Variants in AFG2A observed in about 807,000 individuals in gnomAD.
AFG2A encodes ATPase family gene 2 protein homolog A.
chr4:123,111,626 G>C, the AFG2A span, among the ~76,000 whole-genome samples: 2 of 152,032 alleles, frequency 1.3e-5, no homozygotes, highest in African/African-American at 4.8e-5. Context: ...AGCCAGGAAA[G>C]AGTAAAAGGT....
At chr4:123,004,833 C>A in the AFG2A span, among the ~76,000 whole-genome samples, 1 of 152,152 alleles carries the variant, frequency 6.6e-6, no homozygotes, top group Non-Finnish European at 1.5e-5. Flanking sequence ...CCATTGAAAT[C>A]ATCTGGGTCT....
the AFG2A span, among the ~76,000 whole-genome samples, chr4:123,228,458 G>T: frequency 6.6e-6 from 1 of 151,776 alleles, no homozygotes; most frequent in African/African-American, 2.4e-5. Flanking sequence ...GATTAATAAG[G>T]TAATAATTCT....
At chr4:122,945,926 C>T in the AFG2A span, among the ~76,000 whole-genome samples, 2 of 152,176 alleles carry the variant, frequency 1.3e-5, no homozygotes, top group Non-Finnish European at 2.9e-5. Flanking sequence ...GGGTTGTCAC[C>T]TGGTGGAGGC....
the AFG2A span, chr4:123,090,680 C>CA: frequency 6.2e-7 from 1 of 1,614,054 alleles, no homozygotes. Context: ...TTGGCAGCTA[C>CA]TAACCGTCCA....
chr4:123,100,518 C>G, the AFG2A span, among the ~76,000 whole-genome samples: 1 of 151,746 alleles, frequency 6.6e-6, no homozygotes, highest in Non-Finnish European at 1.5e-5. Context: ...AACTATTTGT[C>G]CTTTTTGCTC....
At chr4:123,219,123 G>A in the AFG2A span, among the ~76,000 whole-genome samples, 1 of 152,192 alleles carries the variant, frequency 6.6e-6, no homozygotes, top group Non-Finnish European at 1.5e-5. Context: ...TTAAAACCAG[G>A]GAATCCGACA....
chr4:123,090,818 T>C, the AFG2A span: 2 of 1,428,866 alleles, frequency 1.4e-6, no homozygotes, highest in South Asian at 2.8e-5. Flanking sequence ...TTAGAGGATA[T>C]TGAAGAATGT....
At chr4:123,183,904 C>T in the AFG2A span, among the ~76,000 whole-genome samples, 1 of 151,818 alleles carries the variant, frequency 6.6e-6, no homozygotes, top group African/African-American at 2.4e-5. Context: ...GGACTACAGA[C>T]ATTCACCACC....
chr4:122,924,931 TCTC>T, the AFG2A span, among the ~76,000 whole-genome samples: 20 of 152,336 alleles, frequency 1.3e-4, no homozygotes, highest in South Asian at 3.7e-3. Flanking sequence ...ATATACTTAT[TCTC>T]CTGTTTTGTA....
the AFG2A span, among the ~76,000 whole-genome samples, chr4:123,014,172 C>G: frequency 6.6e-6 from 1 of 152,084 alleles, no homozygotes; most frequent in Non-Finnish European, 1.5e-5. Context: ...TTTATCTTTC[C>G]CAGTTCTGCT....
the AFG2A span, among the ~76,000 whole-genome samples, chr4:123,159,686 G>T: frequency 1.1e-4 from 16 of 152,118 alleles, no homozygotes; most frequent in Non-Finnish European, 4.4e-5. Context: ...TTAACTGGAA[G>T]GCTGCAGGAC....
chr4:123,104,295 A>G, the AFG2A span, among the ~76,000 whole-genome samples: 1 of 152,104 alleles, frequency 6.6e-6, no homozygotes, highest in Non-Finnish European at 1.5e-5. Context: ...GACACCATAA[A>G]CCACACCCAT....
At chr4:123,039,977 C>T in the AFG2A span, among the ~76,000 whole-genome samples, 1 of 151,996 alleles carries the variant, frequency 6.6e-6, no homozygotes, top group Non-Finnish European at 1.5e-5. Flanking sequence ...TTTATGAGGA[C>T]ACAACAATTT....
At chr4:123,049,191 T>C in the AFG2A span, among the ~76,000 whole-genome samples, 1 of 152,216 alleles carries the variant, frequency 6.6e-6, no homozygotes, top group Non-Finnish European at 1.5e-5. Flanking sequence ...TGGTTCATCC[T>C]TGCATCCCTG....
the AFG2A span, among the ~76,000 whole-genome samples, chr4:123,130,363 C>A: frequency 1.3e-5 from 2 of 152,144 alleles, no homozygotes; most frequent in Non-Finnish European, 1.5e-5. Flanking sequence ...TAACCACCAA[C>A]ACAATCACAA....
chr4:123,298,170 T>G, the AFG2A span, among the ~76,000 whole-genome samples: 1 of 152,132 alleles, frequency 6.6e-6, no homozygotes, highest in African/African-American at 2.4e-5. Context: ...ATTCAGTTTG[T>G]CCTCATCATA....
the AFG2A span, among the ~76,000 whole-genome samples, chr4:123,001,047 C>T: frequency 2.9e-5 from 4 of 138,558 alleles, no homozygotes; most frequent in South Asian, 2.7e-4. Flanking sequence ...GTGTATGTGT[C>T]GAGGAATTTA....
chr4:123,074,422 T>G, the AFG2A span, among the ~76,000 whole-genome samples: 2 of 141,708 alleles, frequency 1.4e-5, no homozygotes, highest in Non-Finnish European at 3.0e-5. Flanking sequence ...TCTTTTGCAC[T>G]CTATTCTGTT....
the AFG2A span, among the ~76,000 whole-genome samples, chr4:123,222,797 T>G: frequency 5.9e-5 from 9 of 152,246 alleles, no homozygotes; most frequent in African/African-American, 1.9e-4. Flanking sequence ...TATTTGTCTT[T>G]GTGTGACTGG....
Sources: allele counts gnomAD v4.1 joint callset (sites outside exome capture counted in the v4.1 genomes callset), GRCh38; gene constraint gnomAD v4.1.1; transcripts MANE v1.5; gene names NCBI Gene and HGNC (gene_info 2026-07-23, HGNC 2026-07-21).